Variants in DLGAP1 observed in about 807,000 individuals in gnomAD.
DLGAP1 encodes DLG associated protein 1.
Under a neutral mutation model 90.8 loss-of-function variants are expected in DLGAP1, and 11 were observed. That is an observed-to-expected ratio of 0.12 (90% CI 0.08 to 0.20). The LOEUF is 0.20. Among genes scored for constraint, DLGAP1 ranks in the 10% least tolerant of loss-of-function variants. The pLI is 1.00. For missense variants in DLGAP1, 1,050 were observed against 1,333.8 expected, an observed-to-expected ratio of 0.79 and a Z score of 3.31; for synonymous variants, 558 against 540.7, an observed-to-expected ratio of 1.03 and a Z score of -0.44.
chr18:4,248,284 A>C (rs929841677), intron 1 of DLGAP1, among the ~76,000 whole-genome samples: 1 of 152,238 alleles, frequency 6.6e-6, no homozygotes, highest in African/African-American at 2.4e-5. Flanking sequence ...TCACGGCGAA[A>C]TGAAGAACAG....
At chr18:3,852,014 T>C (rs926779990) in intron 4 of DLGAP1, among the ~76,000 whole-genome samples, 1 of 151,654 alleles carries the variant, frequency 6.6e-6, no homozygotes, top group South Asian at 2.1e-4. Flanking sequence ...GCAAAAAAGA[T>C]AAAGAAGGAT....
At chr18:3,866,979 G>T (rs60281156) in intron 4 of DLGAP1, among the ~76,000 whole-genome samples, 5,583 of 151,840 alleles carry the variant, frequency 0.037, 279 homozygotes, top group African/African-American at 0.1. Context: ...GCTTCCCAAG[G>T]ACCTGGGAAC....
At chr18:4,254,172 G>T (rs1248166083) in intron 1 of DLGAP1, among the ~76,000 whole-genome samples, 1 of 152,106 alleles carries the variant, frequency 6.6e-6, no homozygotes, top group African/African-American at 2.4e-5. Context: ...TTCCTCTTAC[G>T]AATTTGGAAT....
intron 3 of DLGAP1, among the ~76,000 whole-genome samples, chr18:4,000,076 C>G (rs1698851006): frequency 6.6e-6 from 1 of 152,166 alleles, no homozygotes; most frequent in African/African-American, 2.4e-5. Flanking sequence ...CGGCCTCCCA[C>G]AGGGCTGGGA....
intron 1 of DLGAP1, among the ~76,000 whole-genome samples, chr18:4,426,173 C>T (rs1235188990): frequency 6.6e-6 from 1 of 152,166 alleles, no homozygotes; most frequent in Non-Finnish European, 1.5e-5. Context: ...TCAGACATTC[C>T]ATGTGCACAA....
In DLGAP1 at chr18:3,614,686, C is replaced by CAAAAAA. The variant is rs35764644; in HGVS notation, c.1592-32444_1592-32439dup. On this transcript the variant is annotated intron_variant, in intron 7 of 12. Transcript: ENST00000315677. Reference sequence around the variant, plus strand: ...AGAAACCCCGCCTCTACTAAAAATACAAAAAAAAAAAAAAAAGAGCCAGGC... The same window carrying CAAAAAA: ...AGAAACCCCGCCTCTACTAAAAATACAAAAAAAAAAAAAAAAAAAAAAGAGCCAGGC... Among the ~76,000 whole-genome samples, 100 of 104,992 alleles carry CAAAAAA rather than the reference C, an allele frequency of 9.5e-4. 3 individuals carry two copies. Among genetic ancestry groups the CAAAAAA allele is most frequent in the African/African-American group, 3.2e-3 (88 of 27,336 alleles). 68.9% of individuals were successfully genotyped at this position (104,992 alleles called of 152,430 possible). A position where few individuals can be genotyped will look rare whatever the true frequency, so the allele number is the denominator to read the frequency against.
At chr18:4,162,928 AC>A (rs981488700) in intron 1 of DLGAP1, among the ~76,000 whole-genome samples, 5 of 151,652 alleles carry the variant, frequency 3.3e-5, no homozygotes, top group African/African-American at 1.2e-4. Context: ...TTAAAAAAAA[AC>A]ATAATATCAT....
intron 3 of DLGAP1, among the ~76,000 whole-genome samples, chr18:3,926,468 CTATG>C (rs2072391147): frequency 6.7e-6 from 1 of 149,592 alleles, no homozygotes; most frequent in Non-Finnish European, 1.5e-5. Context: ...ATATATGTGC[CTATG>C]TATGTAGTAT....
At chr18:4,298,996 G>A (rs1452353264) in intron 1 of DLGAP1, among the ~76,000 whole-genome samples, 5 of 150,628 alleles carry the variant, frequency 3.3e-5, no homozygotes, top group Non-Finnish European at 7.4e-5. Flanking sequence ...CAGGAGAATG[G>A]TGTGAACCCG....
chr18:4,213,740 T>C (rs1390571154), intron 1 of DLGAP1, among the ~76,000 whole-genome samples: 1 of 152,036 alleles, frequency 6.6e-6, no homozygotes, highest in Non-Finnish European at 1.5e-5. Context: ...TCAAGGAAAG[T>C]TTTCTGAGAG....
At chr18:3,609,572 C>A (rs182825625) in intron 7 of DLGAP1, among the ~76,000 whole-genome samples, 41 of 152,264 alleles carry the variant, frequency 2.7e-4, no homozygotes, top group Middle Eastern at 3.4e-3. Context: ...ATTAAATCAT[C>A]TTTTCCTGAG....
chr18:4,411,180 A>C (rs376616239), intron 1 of DLGAP1, among the ~76,000 whole-genome samples: 3 of 151,806 alleles, frequency 2.0e-5, no homozygotes, highest in Admixed American at 6.6e-5. Flanking sequence ...TTTTCATGCA[A>C]CTCTCTGAGT....
rs529319802 is a variant in DLGAP1, at chr18:3,629,966, G to A, written c.1592-47718C>T. On this transcript the variant is annotated intron_variant, in intron 7 of 12. Coordinates refer to ENST00000315677, the MANE Select transcript of DLGAP1 (RefSeq NM_004746.4). ...TCATTTTGGGAAGCTTTATTGTTTGGCCTTTCACATTTAGGTCTTAAATTC... is the reference window on the plus strand; with the variant it reads ...TCATTTTGGGAAGCTTTATTGTTTGACCTTTCACATTTAGGTCTTAAATTC... Among the ~76,000 whole-genome samples the A allele has an allele frequency of 3.9e-5, 6 of 152,232 alleles. No individual in the cohort carries two copies. The East Asian group carries it at 1.2e-3, about 29-fold the overall frequency.
chr18:3,665,080 CTG>C (rs2059829682), intron 7 of DLGAP1, among the ~76,000 whole-genome samples: 1 of 152,124 alleles, frequency 6.6e-6, no homozygotes, highest in African/African-American at 2.4e-5. Flanking sequence ...AAGAGAGCCT[CTG>C]GGTGTGTGGG....
intron 5 of DLGAP1, among the ~76,000 whole-genome samples, chr18:3,755,169 T>G (rs2063670224): frequency 1.3e-5 from 2 of 151,610 alleles, no homozygotes; most frequent in East Asian, 1.9e-4. Context: ...ACCAAAGGAT[T>G]TTTTCACTAG....
At chr18:3,627,048 A>G (rs1435230351) in intron 7 of DLGAP1, among the ~76,000 whole-genome samples, 2 of 152,222 alleles carry the variant, frequency 1.3e-5, no homozygotes, top group East Asian at 3.8e-4. Flanking sequence ...GTCATTAACA[A>G]TGTACCTGAA....
chr18:4,160,540 T>C (rs1219720933), intron 1 of DLGAP1, among the ~76,000 whole-genome samples: 1 of 152,208 alleles, frequency 6.6e-6, no homozygotes, highest in Non-Finnish European at 1.5e-5. Context: ...CCTAATGAGG[T>C]AGGTTCAATG....
intron 1 of DLGAP1, chr18:4,294,169 T>C (rs1187685061): frequency 6.6e-6 from 1 of 152,200 alleles, no homozygotes; most frequent in Non-Finnish European, 1.5e-5. Context: ...CCATATTGCC[T>C]CCTCATTCTT....
At chr18:3,980,529 G>C (rs2073705410) in intron 3 of DLGAP1, among the ~76,000 whole-genome samples, 1 of 152,182 alleles carries the variant, frequency 6.6e-6, no homozygotes, top group Non-Finnish European at 1.5e-5. Context: ...GCAAAAGGAA[G>C]GGCATCTCCT....
Sources: gnomAD v4.1 joint callset for allele counts (sites outside exome capture counted in the v4.1 genomes callset) on GRCh38, gnomAD v4.1.1 for gene constraint, MANE v1.5 for transcripts, NCBI Gene and HGNC (gene_info 2026-07-23, HGNC 2026-07-21) for gene names.